UGT1A10: variants seen among roughly 807,000 people sequenced by gnomAD.
The protein encoded by UGT1A10 is UDP-glucuronosyltransferase 1A10.
A neutral mutation model predicts 45.8 loss-of-function variants in UGT1A10; 49 were observed. The ratio of observed to expected loss-of-function variants is 1.07; its 90% CI spans 0.85 to 1.36. The LOEUF is 1.36. Ranked by LOEUF, UGT1A10 falls within the 40% of genes most tolerant of loss-of-function variation. The probability of loss-of-function intolerance (pLI) is 0.00; values close to 1 mark genes in which losing one functional copy is unlikely to be tolerated. For synonymous variants in UGT1A10, 284 were observed against 249.7 expected (o/e 1.14, Z -1.29); for missense variants, 745 against 668.6 (o/e 1.11, Z -1.26).
At chr2:233,672,174 A>C (rs773426393) in intron 1 of UGT1A10, 2 of 1,614,092 alleles carry the variant, frequency 1.2e-6, no homozygotes, top group African/African-American at 2.7e-5. Flanking sequence ...ATTCAACTTC[A>C]TATACCCTGG....
At chr2:233,758,431 A>C (rs1696879671) in intron 1 of UGT1A10, among the ~76,000 whole-genome samples, 1 of 152,228 alleles carries the variant, frequency 6.6e-6, no homozygotes, top group Admixed American at 6.5e-5. Context: ...ATGAACTCAC[A>C]CAGCATTGGG....
intron 1 of UGT1A10, among the ~76,000 whole-genome samples, chr2:233,669,013 G>C (rs2074130242): frequency 6.6e-6 from 1 of 152,164 alleles, no homozygotes; most frequent in South Asian, 2.1e-4. Context: ...GGTAACACAG[G>C]GGTTATAGGT....
intron 1 of UGT1A10, among the ~76,000 whole-genome samples, chr2:233,724,066 G>GC (rs1225468925): frequency 2.7e-5 from 2 of 73,838 alleles, no homozygotes; most frequent in Non-Finnish European, 5.1e-5. Context: ...AGACGGGGTG[G>GC]TGGCCGGGCA....
chr2:233,645,610 T>G (rs1347926183), intron 1 of UGT1A10, among the ~76,000 whole-genome samples: 1 of 152,214 alleles, frequency 6.6e-6, no homozygotes, highest in Non-Finnish European at 1.5e-5. Flanking sequence ...CCCATGCATG[T>G]CAGAAATCCG....
intron 1 of UGT1A10, among the ~76,000 whole-genome samples, chr2:233,749,940 G>A (rs145039541): frequency 4.6e-5 from 7 of 151,802 alleles, no homozygotes; most frequent in Non-Finnish European, 7.3e-5. Context: ...TTTCCTTTAT[G>A]AATTACCGAG....
chr2:233,700,650 A>G (rs1190842216), intron 1 of UGT1A10, among the ~76,000 whole-genome samples: 1 of 152,150 alleles, frequency 6.6e-6, no homozygotes, highest in Non-Finnish European at 1.5e-5. Flanking sequence ...AAGTGTTTAC[A>G]TATTTCTACT....
At chr2:233,714,230 T>C (rs2076374680) in intron 1 of UGT1A10, among the ~76,000 whole-genome samples, 1 of 152,196 alleles carries the variant, frequency 6.6e-6, no homozygotes, top group Non-Finnish European at 1.5e-5. Context: ...GGCAAGATTT[T>C]CAGTAGAAAG....
rs771993243 is a variant in UGT1A10, at chr2:233,755,018, C to T, written c.856-12016C>T. On this transcript the variant is annotated intron_variant, in intron 1 of 4. Transcript: ENST00000344644. ...AGCTGAAGACCTACTCGAAGGGGTC[C>T]TTGAAGGGCCTGCCGCCTGCGCAGC... 3.8e-6 allele frequency: 5 copies of T among 1,302,150 alleles called. No homozygotes were observed. The South Asian group carries it at 4.6e-5, about 12-fold the overall frequency. The allele number at this position is 1,302,150 out of a possible 1,614,324, so 80.7% of individuals were successfully genotyped here.
chr2:233,698,206 T>C (rs1373729225), intron 1 of UGT1A10, among the ~76,000 whole-genome samples: 1 of 152,228 alleles, frequency 6.6e-6, no homozygotes. Context: ...ACATGCACTT[T>C]TAATTATTAG....
intron 1 of UGT1A10, among the ~76,000 whole-genome samples, chr2:233,735,518 T>G (rs2078663521): frequency 6.6e-6 from 1 of 152,220 alleles, no homozygotes; most frequent in South Asian, 2.1e-4. Context: ...ACATTTAAGG[T>G]AAATATTGTT....
intron 1 of UGT1A10, chr2:233,672,176 A>G (rs760402326): frequency 6.2e-7 from 1 of 1,614,088 alleles, no homozygotes; most frequent in Non-Finnish European, 8.5e-7. Context: ...TCAACTTCAT[A>G]TACCCTGGAG....
chr2:233,724,371 C>A (rs1285685419), intron 1 of UGT1A10, among the ~76,000 whole-genome samples: 1 of 147,620 alleles, frequency 6.8e-6, no homozygotes, highest in Non-Finnish European at 1.5e-5. Flanking sequence ...GACGGGGTGG[C>A]TGCCGGGCGG....
At chr2:233,760,492 A>G in intron 1 of UGT1A10, 1 of 1,614,288 alleles carries the variant, frequency 6.2e-7, no homozygotes. Context: ...GTTGTACATC[A>G]GAGACGGAGC....
At chr2:233,644,631 G>T (rs1424337713) in intron 1 of UGT1A10, among the ~76,000 whole-genome samples, 1 of 152,090 alleles carries the variant, frequency 6.6e-6, no homozygotes, top group African/African-American at 2.4e-5. Flanking sequence ...GCTGAGTTTG[G>T]TCTGGGTTTC....
At chr2:233,676,287 C>A (rs1366442040) in intron 1 of UGT1A10, among the ~76,000 whole-genome samples, 1 of 152,128 alleles carries the variant, frequency 6.6e-6, no homozygotes, top group African/African-American at 2.4e-5. Flanking sequence ...CCACAGGGGT[C>A]CTGCAAATAT....
chr2:233,699,260 A>G (rs1470391564), intron 1 of UGT1A10, among the ~76,000 whole-genome samples: 2 of 151,766 alleles, frequency 1.3e-5, no homozygotes, highest in African/African-American at 4.8e-5. Flanking sequence ...TCCTCTTCCT[A>G]TAGGGGCTTG....
chr2:233,640,641 T>C (rs2073426510), intron 1 of UGT1A10, among the ~76,000 whole-genome samples: 1 of 152,136 alleles, frequency 6.6e-6, no homozygotes, highest in South Asian at 2.1e-4. Flanking sequence ...GAGAGAACAG[T>C]CTCTTTTTTA....
At chr2:233,767,689 G>A (rs541366705) in intron 2 of UGT1A10, among the ~76,000 whole-genome samples, 160 bp from the exon 3 acceptor site, 3 of 152,308 alleles carry the variant, frequency 2.0e-5, no homozygotes, top group Non-Finnish European at 4.4e-5. Context: ...ACAAGATGCC[G>A]GAAGTTGCCA....
intron 2 of UGT1A10, 69 bp from the exon 3 acceptor site, chr2:233,767,780 G>A (rs1699481282): frequency 1.9e-6 from 3 of 1,613,138 alleles, no homozygotes; most frequent in Non-Finnish European, 2.5e-6. Flanking sequence ...TTTCTAGTTA[G>A]TATAGCAGAT....
Sources: allele counts gnomAD v4.1 joint callset (sites outside exome capture counted in the v4.1 genomes callset), GRCh38; gene constraint gnomAD v4.1.1; transcripts MANE v1.5; gene names NCBI Gene and HGNC (gene_info 2026-07-23, HGNC 2026-07-21).